The following VLDLR variants were observed in gnomAD, a reference collection of about 807,000 sequenced individuals.
The protein encoded by VLDLR is very low-density lipoprotein receptor.
A neutral mutation model predicts 112.7 loss-of-function variants in VLDLR; 81 were observed. The ratio of observed to expected loss-of-function variants is 0.72; its 90% CI spans 0.60 to 0.86. The LOEUF (loss-of-function observed/expected upper bound fraction) is 0.86. VLDLR is among the 40% of genes least tolerant of loss of function. The pLI is 0.00. For missense variants in VLDLR, 1,237 were observed against 1,099.4 expected (o/e 1.13, Z -1.77); for synonymous variants, 436 against 384.8 (o/e 1.13, Z -1.56).
At position 2,659,923 on chromosome 9, in the gene VLDLR, C is replaced by G. The variant is rs1052819551; in HGVS notation, c.*6055C>G. The G allele has an allele frequency of 2.6e-5, 4 of 152,172 alleles. No homozygotes were observed. The highest frequency in any genetic ancestry group is 9.7e-5 in the African/African-American group (4 of 41,444). The allele number at this position is 152,172 out of a possible 1,614,324, so 9.4% of individuals were successfully genotyped here. A position where few individuals can be genotyped will look rare whatever the true frequency, so the allele number is the denominator to read the frequency against. ...TAATGCCTCAGGAGTCCGGCATATA[C>G]AACCAAATTATCATGCTCAGGATCT... On this transcript the variant is annotated 3_prime_UTR_variant, in exon 19 of 19. Transcript: ENST00000382100.
intron 14 of VLDLR, among the ~76,000 whole-genome samples, chr9:2,649,217 C>G (rs7865617): frequency 6.6e-6 from 1 of 151,996 alleles, no homozygotes; most frequent in Non-Finnish European, 1.5e-5. Flanking sequence ...TGTCTCAAAA[C>G]TCTGGAGGCC....
chr9:2,657,392 C>G lies in VLDLR; in HGVS notation c.*3524C>G, dbSNP rs1458693424. On this transcript the variant is annotated 3_prime_UTR_variant, in exon 19 of 19. Transcript: ENST00000382100. ...AACCTGCTAATCTTGATCCCCAAAT[C>G]TGAGCCCTTCAGTTTCATAATTGTT... 1 of 152,246 alleles carries G rather than the reference C, an allele frequency of 6.6e-6. No homozygotes were observed. Among genetic ancestry groups the G allele is most frequent in the Non-Finnish European group, 1.5e-5 (1 of 68,042 alleles). 9.4% of individuals were successfully genotyped at this position (152,246 alleles called of 1,614,324 possible).
At chr9:2,653,634 C>A (rs1426849296) in intron 18 of VLDLR, among the ~76,000 whole-genome samples, 199 bp from the exon 19 acceptor site, 1 of 152,228 alleles carries the variant, frequency 6.6e-6, no homozygotes, top group African/African-American at 2.4e-5. Context: ...TATCTTATCT[C>A]ACTACCAAGC....
At chr9:2,645,994 T>C (rs537546636) in intron 10 of VLDLR, among the ~76,000 whole-genome samples, 42 of 152,306 alleles carry the variant, frequency 2.8e-4, no homozygotes, top group African/African-American at 9.4e-4. Context: ...TTCTCTACAG[T>C]TAATTGAGAA....
chr9:2,645,113 T>C, intron 9 of VLDLR, 31 bp downstream of exon 9: 1 of 1,613,850 alleles, frequency 6.2e-7, no homozygotes, highest in Admixed American at 1.7e-5. Context: ...ATGGCTGTTG[T>C]ACCTTTATGA....
chr9:2,654,071 G>T lies in VLDLR; in HGVS notation c.*203G>T. ...TTGTCCACATTCTACTTCAGCTTTG[G>T]ATGTGGTTACCGAGTATCTGTAACC... On this transcript the variant is annotated 3_prime_UTR_variant, in exon 19 of 19. Coordinates refer to ENST00000382100, the MANE Select transcript of VLDLR (RefSeq NM_003383.5). 1.7e-6 allele frequency: 1 copy of T among 582,116 alleles called. No individual in the cohort carries two copies. The highest frequency in any genetic ancestry group is 2.0e-5 in the South Asian group (1 of 50,724). The allele number at this position is 582,116 out of a possible 1,614,324, so 36.1% of individuals were successfully genotyped here. A position where few individuals can be genotyped will look rare whatever the true frequency, so the allele number is the denominator to read the frequency against.
At chr9:2,639,285 AGAGT>A (rs1817730666) in intron 2 of VLDLR, among the ~76,000 whole-genome samples, 1 of 152,192 alleles carries the variant, frequency 6.6e-6, no homozygotes, top group Non-Finnish European at 1.5e-5. Context: ...AAAGAGAGAG[AGAGT>A]AAGCGCTCTG....
chr9:2,632,151 A>G (rs909487029), intron 1 of VLDLR, among the ~76,000 whole-genome samples: 43 of 152,194 alleles, frequency 2.8e-4, no homozygotes, highest in Non-Finnish European at 5.3e-4. Flanking sequence ...TTAGAGCTGG[A>G]AGAAAACCTA....
In VLDLR at chr9:2,622,186, C is replaced by T; in HGVS notation, c.-4C>T. The T allele has an allele frequency of 1.3e-6, 2 of 1,495,858 alleles. 1 individual carries two copies. Among genetic ancestry groups the T allele is most frequent in the African/African-American group, 2.9e-5 (2 of 69,516 alleles). 92.7% of individuals were successfully genotyped at this position (1,495,858 alleles called of 1,614,324 possible). A position where few individuals can be genotyped will look rare whatever the true frequency, so the allele number is the denominator to read the frequency against. On this transcript the variant is annotated 5_prime_UTR_variant, in exon 1 of 19. Coordinates refer to ENST00000382100, the MANE Select transcript of VLDLR (RefSeq NM_003383.5). ...GCGGCGGCGGCACCATCCAGGCGGGCACCATGGGCACGTCCGCGCTCTGGG... is the reference window on the plus strand; with the variant it reads ...GCGGCGGCGGCACCATCCAGGCGGGTACCATGGGCACGTCCGCGCTCTGGG...
At chr9:2,650,818 C>T (rs1563766653) in intron 15 of VLDLR, among the ~76,000 whole-genome samples, 1 of 152,108 alleles carries the variant, frequency 6.6e-6, no homozygotes. Flanking sequence ...AACATTTTTC[C>T]TCAAAAGGAG....
At chr9:2,641,627 G>C in intron 4 of VLDLR, 128 bp downstream of exon 4, 1 of 1,367,040 alleles carries the variant, frequency 7.3e-7, no homozygotes, top group Admixed American at 1.7e-5. Context: ...TTCACTATCT[G>C]CTCAATTACT....
intron 1 of VLDLR, among the ~76,000 whole-genome samples, chr9:2,628,302 C>T (rs1051026698): frequency 1.3e-5 from 2 of 152,076 alleles, no homozygotes; most frequent in African/African-American, 2.4e-5. Context: ...GCATTGAGGC[C>T]TCATTCAAGA....
In VLDLR at chr9:2,644,741, C is replaced by T. The variant is rs115059319; in HGVS notation, c.1074C>T (p.Asn358=). The part of the protein sequence containing the change: ...SDEPLKECHI[N]ECLVNNGGCS... ...ACTACATTTTTATTCCAGATATAAA[C>T]GAATGCTTGGTAAATAATGGTGGAT... The change falls in exon 8 of 19, where the codon AAC becomes AAT. Residue 358 remains asparagine, a synonymous_variant. Coordinates refer to ENST00000382100, the MANE Select transcript of VLDLR (RefSeq NM_003383.5). 364 of 1,613,844 alleles carry T rather than the reference C, an allele frequency of 2.3e-4. No individual in the cohort carries two copies. In the African/African-American group the frequency reaches 3.9e-3, roughly 17 times the overall value.
In VLDLR at chr9:2,648,663, T is replaced by C. The variant is rs1214872813; in HGVS notation, c.1963-6T>C. On this transcript the variant is annotated splice_polypyrimidine_tract_variant and splice_region_variant and intron_variant, in intron 13 of 18. Coordinates refer to ENST00000382100, the MANE Select transcript of VLDLR (RefSeq NM_003383.5). ...TGTACATGCTAATTGTGGGCTTCTG[T>C]TTTAGGATCGTGTCTACTGGATAGA... 6.2e-7 allele frequency: 1 copy of C among 1,614,042 alleles called. No individual in the cohort carries two copies. The highest frequency in any genetic ancestry group is 1.3e-5 in the African/African-American group (1 of 74,918).
At position 2,648,255 on chromosome 9, in the gene VLDLR, T is replaced by A. The variant is rs1238674179; in HGVS notation, c.1870T>A (p.Leu624Ile). The A allele has an allele frequency of 6.2e-7, 1 of 1,614,220 alleles. No individual in the cohort carries two copies. Among genetic ancestry groups the A allele is most frequent in the East Asian group, 2.2e-5 (1 of 44,888 alleles). ...TTGGCTTGATTCTAAGTTGCACATG[T>A]TATCCAGCGTGGACTTGAATGGCCA... ...LYWLDSKLHMLSSVDLNGQDR... is the reference protein window; with the variant it reads ...LYWLDSKLHMISSVDLNGQDR... The change falls in exon 13 of 19, where the codon TTA becomes ATA. Residue 624 changes from leucine to isoleucine, a missense_variant. Physicochemically the swap from Leu to Ile is conservative, Grantham distance 5. Coordinates refer to ENST00000382100, the MANE Select transcript of VLDLR (RefSeq NM_003383.5).
At chr9:2,632,289 C>G (rs1031426358) in intron 1 of VLDLR, among the ~76,000 whole-genome samples, 1 of 152,214 alleles carries the variant, frequency 6.6e-6, no homozygotes, top group Non-Finnish European at 1.5e-5. Context: ...TCCACTTCAA[C>G]CACCCCTCTA....
intron 1 of VLDLR, 35 bp downstream of exon 1, chr9:2,622,306 G>T: frequency 7.0e-7 from 1 of 1,438,082 alleles, no homozygotes; most frequent in South Asian, 1.4e-5. Context: ...CGGCGGGCGG[G>T]ACCCAGCCGG....
At chr9:2,651,999 A>C in intron 17 of VLDLR, 45 bp downstream of exon 17, 1 of 1,589,140 alleles carries the variant, frequency 6.3e-7, no homozygotes, top group Non-Finnish European at 8.6e-7. Flanking sequence ...CTTCTTAGAT[A>C]CCAGATGAAG....
chr9:2,627,463 A>C (rs1817145462), intron 1 of VLDLR, among the ~76,000 whole-genome samples: 1 of 152,196 alleles, frequency 6.6e-6, no homozygotes, highest in Admixed American at 6.5e-5. Context: ...TAACCTTCTC[A>C]GGTGTTGGAA....
Sources: gnomAD v4.1 joint callset for allele counts (sites outside exome capture counted in the v4.1 genomes callset) on GRCh38, gnomAD v4.1.1 for gene constraint, MANE v1.5 for transcripts, NCBI Gene and HGNC (gene_info 2026-07-23, HGNC 2026-07-21) for gene names.